Variants in ERC1 observed in about 807,000 individuals in gnomAD.
The protein encoded by ERC1 is RAB6 interacting protein 2.
ERC1 carries 56 observed loss-of-function variants against 132.0 expected under a neutral mutation model. The observed-to-expected ratio is 0.42, with a 90% CI of 0.34 to 0.53. The LOEUF (loss-of-function observed/expected upper bound fraction) is 0.53. Among genes scored for constraint, ERC1 ranks in the 20% least tolerant of loss-of-function variants. ERC1 has a pLI of 0.03. For missense variants in ERC1, 1,202 were observed against 1,349.9 expected, an observed-to-expected ratio of 0.89 and a Z score of 1.72; for synonymous variants, 478 against 476.1, an observed-to-expected ratio of 1.00 and a Z score of -0.05.
At chr12:1,401,729 A>G (rs2091079211) in intron 16 of ERC1, among the ~76,000 whole-genome samples, 1 of 146,766 alleles carries the variant, frequency 6.8e-6, no homozygotes, top group Non-Finnish European at 1.5e-5. Flanking sequence ...GAAATTGACT[A>G]TTTTTGAAGG....
chr12:1,081,581 C>T (rs759282057), intron 2 of ERC1, among the ~76,000 whole-genome samples: 19 of 152,264 alleles, frequency 1.2e-4, no homozygotes, highest in Admixed American at 7.8e-4. Context: ...TGGACAAGTG[C>T]TTAAACCTCT....
intron 3 of ERC1, among the ~76,000 whole-genome samples, chr12:1,097,986 A>C (rs1944253923): frequency 6.6e-6 from 1 of 152,168 alleles, no homozygotes; most frequent in South Asian, 2.1e-4. Flanking sequence ...AAGTGCTGGG[A>C]TTACAGGCGT....
At chr12:1,285,655 AAAATTTTTCCTACAAATT>A (rs1399657216) in intron 14 of ERC1, among the ~76,000 whole-genome samples, 1 of 152,208 alleles carries the variant, frequency 6.6e-6, no homozygotes, top group Non-Finnish European at 1.5e-5. Flanking sequence ...GGCAGTAATA[AAAATTTTTCCTACAAATT>A]TCAAGCCCAG....
At chr12:1,401,432 G>T (rs2091058643) in intron 16 of ERC1, among the ~76,000 whole-genome samples, 1 of 152,034 alleles carries the variant, frequency 6.6e-6, no homozygotes, top group East Asian at 1.9e-4. Context: ...GGATGTATGG[G>T]TTTTTTCTGT....
chr12:1,456,281 T>G (rs2093532267), intron 18 of ERC1, among the ~76,000 whole-genome samples: 1 of 152,246 alleles, frequency 6.6e-6, no homozygotes, highest in South Asian at 2.1e-4. Flanking sequence ...TCTGATTAAA[T>G]AGATTTGGTT....
chr12:1,316,099 A>G (rs566367421), intron 15 of ERC1, among the ~76,000 whole-genome samples: 8 of 152,228 alleles, frequency 5.3e-5, no homozygotes, highest in Middle Eastern at 3.4e-3. Flanking sequence ...CGTGTTAGGC[A>G]GATGGTCTTG....
chr12:1,418,674 C>CT (rs764291693), intron 17 of ERC1, among the ~76,000 whole-genome samples: 19 of 65,904 alleles, frequency 2.9e-4, no homozygotes, highest in African/African-American at 1.8e-3. Context: ...TCTTTTCTTT[C>CT]TTTCTTTCTT....
chr12:1,132,718 T>TTTA (rs72380144), intron 7 of ERC1, among the ~76,000 whole-genome samples: 1 of 2,250 alleles, frequency 4.4e-4, no homozygotes, highest in Non-Finnish European at 0.029. Context: ...TGGAAAGGCT[T>TTTA]TTTTCTGAAA....
chr12:1,271,692 C>G (rs1320166238), intron 14 of ERC1, among the ~76,000 whole-genome samples: 1 of 152,184 alleles, frequency 6.6e-6, no homozygotes, highest in Non-Finnish European at 1.5e-5. Flanking sequence ...GCACTGTATG[C>G]GTGCACAATT....
intron 2 of ERC1, among the ~76,000 whole-genome samples, chr12:1,056,409 AAG>A (rs1255670105): frequency 6.6e-6 from 1 of 152,142 alleles, no homozygotes. Context: ...AGGCAAAAGA[AAG>A]AGAAGAGCTC....
chr12:1,233,942 G>A (rs1264138288), intron 12 of ERC1, among the ~76,000 whole-genome samples: 3 of 152,092 alleles, frequency 2.0e-5, no homozygotes, highest in African/African-American at 7.2e-5. Flanking sequence ...TACTGATATT[G>A]AGGAATTGTT....
At position 1,028,231 on chromosome 12, in the gene ERC1, A is replaced by G; in HGVS notation, c.328A>G (p.Ser110Gly). Reference protein sequence around the residue: ...YGVRMTAMGSSPNIASSGVAS... With the variant: ...YGVRMTAMGSGPNIASSGVAS... Reference sequence around the variant, plus strand: ...TGTTCGGATGACTGCTATGGGTAGTAGCCCCAATATAGCTAGCAGTGGGGT... The same window carrying G: ...TGTTCGGATGACTGCTATGGGTAGTGGCCCCAATATAGCTAGCAGTGGGGT... The change falls in exon 2 of 19, where the codon AGC (serine) becomes GGC (glycine). Residue 110 changes from serine (S) to glycine (G), a missense_variant. Transcript: ENST00000360905. The G allele has an allele frequency of 3.1e-6, 5 of 1,614,144 alleles. No homozygotes were observed. Among genetic ancestry groups the G allele is most frequent in the Non-Finnish European group, 4.2e-6 (5 of 1,180,040 alleles).
chr12:1,214,643 TAA>T (rs1958201684), intron 12 of ERC1, among the ~76,000 whole-genome samples: 1 of 145,506 alleles, frequency 6.9e-6, no homozygotes, highest in Non-Finnish European at 1.5e-5. Context: ...ATATAAAACA[TAA>T]ATATGCGTGT....
In ERC1 at chr12:1,464,189, GTGCTAAATGTAGAA is replaced by G. The variant is rs537550579; in HGVS notation, c.3213+19441_3213+19454del. ...AGTTTTGGTGTATATGTGGGACCTT[GTGCTAAATGTAGAA>G]TAATCTTGTTTGTGCAGAAAGAGAA... On this transcript the variant is annotated intron_variant, in intron 18 of 18. Coordinates refer to ENST00000360905, the MANE Select transcript of ERC1 (RefSeq NM_178040.4). 2.4e-3 allele frequency among the ~76,000 whole-genome samples: 365 copies of G among 152,324 alleles called. 2 individuals carry two copies. The highest frequency in any genetic ancestry group is 3.1e-3 in the Non-Finnish European group (214 of 68,022).
intron 1 of ERC1, among the ~76,000 whole-genome samples, chr12:995,811 G>A (rs192551982): frequency 1.3e-5 from 2 of 152,226 alleles, no homozygotes; most frequent in Admixed American, 1.3e-4. Flanking sequence ...CTAGATACGT[G>A]AGGGGAAATC....
At chr12:1,219,776 C>T (rs1958797403) in intron 12 of ERC1, among the ~76,000 whole-genome samples, 1 of 152,070 alleles carries the variant, frequency 6.6e-6, no homozygotes, top group Non-Finnish European at 1.5e-5. Context: ...GCTGGGACTA[C>T]AGGTGCACAC....
chr12:1,213,465 G>A (rs1464454609), intron 12 of ERC1, among the ~76,000 whole-genome samples: 1 of 151,942 alleles, frequency 6.6e-6, no homozygotes, highest in Admixed American at 6.6e-5. Flanking sequence ...GACCGGGTGC[G>A]GTGGCTCATG....
chr12:1,440,394 G>C (rs1385316665), intron 17 of ERC1, among the ~76,000 whole-genome samples: 1 of 150,360 alleles, frequency 6.7e-6, no homozygotes, highest in Non-Finnish European at 1.5e-5. Flanking sequence ...TTTTAGTAGA[G>C]ACGGGGTTTC....
At chr12:1,309,152 A>G (rs1372949601) in intron 15 of ERC1, among the ~76,000 whole-genome samples, 1 of 152,250 alleles carries the variant, frequency 6.6e-6, no homozygotes, top group Admixed American at 6.5e-5. Context: ...AGTTTATGAT[A>G]TTTTGTTACA....
Sources: gnomAD v4.1 joint callset for allele counts (sites outside exome capture counted in the v4.1 genomes callset) on GRCh38, gnomAD v4.1.1 for gene constraint, MANE v1.5 for transcripts, NCBI Gene and HGNC (gene_info 2026-07-23, HGNC 2026-07-21) for gene names.